The following NAALADL2 variants were observed in gnomAD, a reference collection of about 807,000 sequenced individuals.
The protein encoded by NAALADL2 is inactive N-acetylated-alpha-linked acidic dipeptidase-like protein 2.
Under a neutral mutation model 87.2 loss-of-function variants are expected in NAALADL2, and 76 were observed. That is an observed-to-expected ratio of 0.87 (90% CI 0.72 to 1.05). The LOEUF (loss-of-function observed/expected upper bound fraction) is 1.05. Ranked by LOEUF, NAALADL2 falls within the 50% of genes least tolerant of loss-of-function variation. The probability of loss-of-function intolerance (pLI) is 0.00; values close to 1 mark genes in which losing one functional copy is unlikely to be tolerated. For synonymous variants in NAALADL2, 354 were observed against 331.0 expected (o/e 1.07, Z -0.75); for missense variants, 1,089 against 945.8 (o/e 1.15, Z -1.99).
chr3:174,804,607 C>T (rs1719239014), intron 3 of NAALADL2, among the ~76,000 whole-genome samples: 1 of 152,064 alleles, frequency 6.6e-6, no homozygotes, highest in African/African-American at 2.4e-5. Context: ...GTGGGTTTGT[C>T]ATAAATAGCT....
chr3:175,202,838 T>C (rs1480164275), intron 2 of NAALADL2, among the ~76,000 whole-genome samples: 2 of 151,916 alleles, frequency 1.3e-5, no homozygotes, highest in Non-Finnish European at 2.9e-5. Flanking sequence ...TCAATGAAGT[T>C]GTGTACCTAG....
intron 5 of NAALADL2, among the ~76,000 whole-genome samples, chr3:175,424,333 T>C (rs1053308474): frequency 5.9e-5 from 9 of 152,154 alleles, no homozygotes; most frequent in African/African-American, 9.7e-5. Flanking sequence ...AGTCCTTGCC[T>C]GTGCCTATGT....
chr3:174,764,777 C>T (rs1244435952), intron 3 of NAALADL2, among the ~76,000 whole-genome samples: 2 of 151,980 alleles, frequency 1.3e-5, no homozygotes, highest in East Asian at 3.9e-4. Context: ...AGAATAAGGA[C>T]CTGTACTCTG....
chr3:174,938,561 G>A (rs1474565262), intron 1 of NAALADL2, among the ~76,000 whole-genome samples: 1 of 151,972 alleles, frequency 6.6e-6, no homozygotes, highest in Non-Finnish European at 1.5e-5. Context: ...TTGCTGGGTC[G>A]AATGGTAGTT....
chr3:174,675,807 G>GT (rs1406533801), intron 2 of NAALADL2, among the ~76,000 whole-genome samples: 1 of 151,982 alleles, frequency 6.6e-6, no homozygotes, highest in Non-Finnish European at 1.5e-5. Context: ...ATGTTCCAAT[G>GT]TTTTCAGCAA....
intron 3 of NAALADL2, among the ~76,000 whole-genome samples, chr3:174,792,365 T>C (rs1202554467): frequency 6.6e-6 from 1 of 152,142 alleles, no homozygotes; most frequent in African/African-American, 2.4e-5. Flanking sequence ...TTTGTTATTT[T>C]CAATTTAGAT....
chr3:174,919,489 C>T (rs189735718), intron 1 of NAALADL2, among the ~76,000 whole-genome samples: 9 of 152,254 alleles, frequency 5.9e-5, no homozygotes, highest in Admixed American at 1.3e-4. Flanking sequence ...ACTTCTCATC[C>T]GTTCAAGTAT....
chr3:175,102,116 A>C (rs1009178430), intron 2 of NAALADL2, among the ~76,000 whole-genome samples: 3 of 152,212 alleles, frequency 2.0e-5, no homozygotes, highest in Non-Finnish European at 4.4e-5. Context: ...ATCACTACAT[A>C]AAATACTGCC....
intron 1 of NAALADL2, among the ~76,000 whole-genome samples, chr3:175,023,996 C>G (rs902940611): frequency 6.6e-6 from 1 of 151,890 alleles, no homozygotes; most frequent in African/African-American, 2.4e-5. Context: ...TGGAAAAATT[C>G]TTTAATATCA....
chr3:175,277,911 G>T (rs1294041976), intron 4 of NAALADL2, among the ~76,000 whole-genome samples: 2 of 152,102 alleles, frequency 1.3e-5, no homozygotes, highest in Non-Finnish European at 2.9e-5. Flanking sequence ...ATGCTTCCCT[G>T]ATCCCACAGA....
intron 1 of NAALADL2, among the ~76,000 whole-genome samples, chr3:174,899,353 A>T (rs945315147): frequency 6.6e-6 from 1 of 152,178 alleles, no homozygotes; most frequent in Non-Finnish European, 1.5e-5. Context: ...TCATGTTGAA[A>T]CATAATCCCC....
chr3:174,542,253 A>C (rs1722312895), intron 1 of NAALADL2, among the ~76,000 whole-genome samples: 1 of 152,118 alleles, frequency 6.6e-6, no homozygotes, highest in African/African-American at 2.4e-5. Context: ...AAGTCCTACT[A>C]ATCTACCTCA....
At chr3:175,405,981 G>A (rs769672316) in intron 5 of NAALADL2, among the ~76,000 whole-genome samples, 1 of 152,184 alleles carries the variant, frequency 6.6e-6, no homozygotes, top group African/African-American at 2.4e-5. Flanking sequence ...AGTGCTAGAA[G>A]TGCGGGGAAC....
intron 3 of NAALADL2, among the ~76,000 whole-genome samples, chr3:175,245,354 G>A (rs1747773671): frequency 1.3e-5 from 2 of 152,052 alleles, no homozygotes; most frequent in South Asian, 4.1e-4. Flanking sequence ...GATTAAACTT[G>A]CATTATTTTG....
intron 4 of NAALADL2, among the ~76,000 whole-genome samples, chr3:175,292,026 A>T (rs1463656845): frequency 2.0e-5 from 3 of 152,230 alleles, no homozygotes; most frequent in Non-Finnish European, 4.4e-5. Flanking sequence ...AGGTATTTTT[A>T]AAAAATAATT....
At chr3:174,507,467 T>A (rs1454808429) in intron 1 of NAALADL2, among the ~76,000 whole-genome samples, 5 of 152,092 alleles carry the variant, frequency 3.3e-5, no homozygotes, top group African/African-American at 1.2e-4. Context: ...ATCACCCTTA[T>A]TGAAGTACAG....
chr3:175,730,276 A>C (rs917328909), intron 11 of NAALADL2, among the ~76,000 whole-genome samples: 1 of 150,996 alleles, frequency 6.6e-6, no homozygotes, highest in Non-Finnish European at 1.5e-5. Flanking sequence ...TAAGAGGAAG[A>C]TTTGTGATGA....
intron 2 of NAALADL2, among the ~76,000 whole-genome samples, chr3:175,132,128 G>GT (rs1253996820): frequency 4.6e-5 from 6 of 130,586 alleles, no homozygotes; most frequent in Admixed American, 7.3e-5. Context: ...GGCTGGCCGG[G>GT]CGGGGGGCTG....
intron 1 of NAALADL2, among the ~76,000 whole-genome samples, chr3:175,084,955 T>G (rs550739627): frequency 6.6e-6 from 1 of 152,314 alleles, no homozygotes; most frequent in Non-Finnish European, 1.5e-5. Context: ...TGAGTTCATA[T>G]CTTCTCCCTA....
Sources: allele counts gnomAD v4.1 joint callset (sites outside exome capture counted in the v4.1 genomes callset), GRCh38; gene constraint gnomAD v4.1.1; transcripts MANE v1.5; gene names NCBI Gene and HGNC (gene_info 2026-07-23, HGNC 2026-07-21).